AMMECR1: variants seen among roughly 807,000 people sequenced by gnomAD.
AMMECR1 encodes nuclear protein AMMECR1.
AMMECR1 carries 3 observed loss-of-function variants against 22.5 expected under a neutral mutation model. The observed-to-expected ratio is 0.13, with a 90% CI of 0.06 to 0.35. The LOEUF (loss-of-function observed/expected upper bound fraction) is 0.35. Among genes scored for constraint, AMMECR1 ranks in the 10% least tolerant of loss-of-function variants. The probability of loss-of-function intolerance (pLI) is 1.00; values close to 1 mark genes in which losing one functional copy is unlikely to be tolerated. For missense variants in AMMECR1, 235 were observed against 278.7 expected (o/e 0.84, Z 1.12); for synonymous variants, 130 against 116.7 (o/e 1.11, Z -0.74).
intron 1 of AMMECR1, among the ~76,000 whole-genome samples, chrX:110,439,010 C>T (rs1164681109): frequency 4.5e-5 from 5 of 112,020 alleles, no homozygotes; most frequent in Non-Finnish European, 9.4e-5. Context: ...GATATTTCTC[C>T]CGCTCACCTC....
At chrX:110,222,465 A>T (rs1433293408) in intron 2 of AMMECR1, among the ~76,000 whole-genome samples, 4 of 65,762 alleles carry the variant, frequency 6.1e-5, no homozygotes. Context: ...GGGAGGGGGG[A>T]GGGATAGCAC....
At chrX:110,239,869 A>C (rs1445678763) in intron 2 of AMMECR1, among the ~76,000 whole-genome samples, 2 of 112,217 alleles carry the variant, frequency 1.8e-5, no homozygotes, top group African/African-American at 6.5e-5. Context: ...CAGAAACCCC[A>C]CAAGCCAGAA....
At chrX:110,385,984 T>C (rs1438711271) in intron 2 of AMMECR1, among the ~76,000 whole-genome samples, 1 of 112,624 alleles carries the variant, frequency 8.9e-6, no homozygotes, top group South Asian at 3.7e-4. Context: ...GGCTGAATAA[T>C]AGTTCATTAT....
intron 2 of AMMECR1, among the ~76,000 whole-genome samples, chrX:110,384,226 A>T (rs180961386): frequency 3.6e-5 from 4 of 111,109 alleles, no homozygotes; most frequent in Non-Finnish European, 7.5e-5. Flanking sequence ...TCTCCCCCAT[A>T]GTGCCTGGTG....
At position 110,317,877 on chromosome X, in the gene AMMECR1, G is replaced by A. The variant is rs2068059347; in HGVS notation, c.195C>T (p.Gly65=). 2 of 1,184,265 alleles carry A rather than the reference G, an allele frequency of 1.7e-6. No individual in the cohort carries two copies. Among genetic ancestry groups the A allele is most frequent in the East Asian group, 3.1e-5 (1 of 32,438 alleles). ...GLGGLTGGGS[G]SGCTLSPPQG... The stretch of plus-strand genomic sequence containing the variant: ...GGGGGGGAGAGAGGGTACAGCCGCT[G>A]CCGCTACCTCCTCCGGTTAGACCTC... The change falls in exon 1 of 6, where the codon GGC becomes GGT. Residue 65 remains glycine (G), a synonymous_variant. Transcript: ENST00000262844.
upstream of AMMECR1, chrX:110,318,147 G>A: frequency 3.3e-6 from 3 of 920,087 alleles, no homozygotes; most frequent in African/African-American, 2.1e-5. Flanking sequence ...AGCACGCTGC[G>A]GCTCAGGCCG....
chrX:110,360,925 G>T (rs1342708212), intron 2 of AMMECR1, among the ~76,000 whole-genome samples: 1 of 111,665 alleles, frequency 9.0e-6, no homozygotes, highest in African/African-American at 3.3e-5. Context: ...TGAAGCCTAA[G>T]ATATCTTCTG....
chrX:110,252,593 A>G (rs1008810720), intron 2 of AMMECR1, among the ~76,000 whole-genome samples: 53 of 112,522 alleles, frequency 4.7e-4, no homozygotes, highest in Non-Finnish European at 1.1e-4. Flanking sequence ...AATGAAAACT[A>G]TAAGAAACTA....
intron 2 of AMMECR1, among the ~76,000 whole-genome samples, chrX:110,390,867 C>T (rs1460174200): frequency 2.7e-5 from 3 of 111,913 alleles, no homozygotes; most frequent in Non-Finnish European, 3.8e-5. Context: ...TTCTTTCCCA[C>T]GTCTGTTGAA....
In AMMECR1 at chrX:110,415,154, C is replaced by T. The variant is rs187422706; in HGVS notation, c.-148+11504G>A. ...TTGTGCCTTAGTCATCTCTGTACTC[C>T]CCAGGGCCGTAGCACCAGAGCCATG... On this transcript the variant is annotated intron_variant, in intron 2 of 7. Transcript: ENST00000372057. Among the ~76,000 whole-genome samples, 450 of 111,910 alleles carry T rather than the reference C, an allele frequency of 4.0e-3. 2 individuals carry two copies. Among genetic ancestry groups the T allele is most frequent in the African/African-American group, 0.014 (425 of 30,764 alleles).
intron 3 of AMMECR1, among the ~76,000 whole-genome samples, chrX:110,204,655 A>C (rs766948431): frequency 4.5e-5 from 5 of 111,823 alleles, no homozygotes; most frequent in African/African-American, 1.3e-4. Flanking sequence ...TCTTTATAGG[A>C]GTACATCCTG....
At position 110,317,814 on chromosome X, in the gene AMMECR1, C is replaced by A. The variant is rs929009205; in HGVS notation, c.258G>T (p.Ser86=). 8.6e-7 allele frequency: 1 copy of A among 1,159,435 alleles called. No homozygotes were observed. The highest frequency in any genetic ancestry group is 1.8e-5 in the African/African-American group (1 of 56,136). Residue 86 remains serine, a synonymous_variant, in exon 1 of 6, where the codon TCG becomes TCT. Coordinates refer to ENST00000262844, the MANE Select transcript of AMMECR1 (RefSeq NM_015365.3). ...CGGGGGGIAL[S]PPPSCGVGTL... The stretch of plus-strand genomic sequence containing the variant: ...TCCCCACTCCGCAGCTCGGAGGTGG[C>A]GACAGGGCGATCCCCCCGCCGCCGC...
intron 2 of AMMECR1, among the ~76,000 whole-genome samples, chrX:110,391,790 T>G (rs1372253396): frequency 2.7e-5 from 3 of 112,470 alleles, no homozygotes; most frequent in Non-Finnish European, 5.6e-5. Context: ...CAAGTAGTAC[T>G]TGGACCGAAC....
chrX:110,419,958 T>G (rs1355786804), intron 2 of AMMECR1, among the ~76,000 whole-genome samples: 1 of 112,248 alleles, frequency 8.9e-6, no homozygotes, highest in Non-Finnish European at 1.9e-5. Flanking sequence ...TCAACTCTAT[T>G]ATTAGCTCCA....
intron 2 of AMMECR1, among the ~76,000 whole-genome samples, chrX:110,263,482 G>A (rs2067752346): frequency 8.9e-6 from 1 of 111,776 alleles, no homozygotes; most frequent in Non-Finnish European, 1.9e-5. Context: ...CTCAGTTACA[G>A]TATTTTATTA....
intron 2 of AMMECR1, among the ~76,000 whole-genome samples, chrX:110,373,399 G>T (rs1263868617): frequency 9.0e-6 from 1 of 111,713 alleles, no homozygotes; most frequent in Non-Finnish European, 1.9e-5. Context: ...CATAAAACCT[G>T]GCTCAGAGCA....
intron 2 of AMMECR1, among the ~76,000 whole-genome samples, chrX:110,339,426 CAAAA>C (rs1198259055): frequency 3.1e-5 from 2 of 63,507 alleles, no homozygotes; most frequent in African/African-American, 1.0e-4. Flanking sequence ...AAAAAAAAAA[CAAAA>C]AAAGGAGAAA....
At chrX:110,214,036 G>T (rs1260978658) in intron 3 of AMMECR1, among the ~76,000 whole-genome samples, 1 of 110,766 alleles carries the variant, frequency 9.0e-6, no homozygotes, top group East Asian at 2.8e-4. Context: ...GGCCGAGGTG[G>T]GTGGATCACG....
At chrX:110,438,506 A>T (rs1313646793) in intron 1 of AMMECR1, among the ~76,000 whole-genome samples, 1 of 111,637 alleles carries the variant, frequency 9.0e-6, no homozygotes, top group Non-Finnish European at 1.9e-5. Context: ...TGATCCAAGT[A>T]TCATTTTCTC....
Sources: allele counts gnomAD v4.1 joint callset (sites outside exome capture counted in the v4.1 genomes callset), GRCh38; gene constraint gnomAD v4.1.1; transcripts MANE v1.5; gene names NCBI Gene and HGNC (gene_info 2026-07-23, HGNC 2026-07-21).